Variants in ATP10B observed in about 807,000 individuals in gnomAD.
The protein encoded by ATP10B is ATPase phospholipid transporting 10B (putative).
Under a neutral mutation model 141.2 loss-of-function variants are expected in ATP10B, and 122 were observed. The observed-to-expected ratio is 0.86, with a 90% CI of 0.75 to 1.00. ATP10B has a LOEUF of 1.00. Among genes scored for constraint, ATP10B ranks in the 50% least tolerant of loss-of-function variants. The probability of loss-of-function intolerance (pLI) is 0.00; values close to 1 mark genes in which losing one functional copy is unlikely to be tolerated. For synonymous variants in ATP10B, 685 were observed against 692.0 expected, an observed-to-expected ratio of 0.99 and a Z score of 0.16; for missense variants, 1,876 against 1,825.3, an observed-to-expected ratio of 1.03 and a Z score of -0.51.
intron 13 of ATP10B, among the ~76,000 whole-genome samples, chr5:160,629,825 C>T (rs1315590613): frequency 6.6e-6 from 1 of 152,204 alleles, no homozygotes; most frequent in Non-Finnish European, 1.5e-5. Context: ...AAACCTGACA[C>T]ATTAGACTCC....
intron 1 of ATP10B, among the ~76,000 whole-genome samples, chr5:160,797,385 A>G (rs758615893): frequency 3.3e-5 from 5 of 152,182 alleles, no homozygotes; most frequent in Non-Finnish European, 7.3e-5. Context: ...TCCACTCCCG[A>G]GACCACTAGC....
chr5:160,926,760 G>C, the ATP10B span, among the ~76,000 whole-genome samples: 4 of 152,240 alleles, frequency 2.6e-5, no homozygotes, highest in Non-Finnish European at 5.9e-5. Context: ...ATTAAAGCGT[G>C]TAAGTTGATT....
chr5:160,890,929 G>A, the ATP10B span, among the ~76,000 whole-genome samples: 4 of 151,986 alleles, frequency 2.6e-5, no homozygotes, highest in Admixed American at 2.0e-4. Context: ...AGGCTGAATT[G>A]GACTGTTTTC....
intron 1 of ATP10B, among the ~76,000 whole-genome samples, chr5:160,810,726 T>C (rs896607298): frequency 6.6e-6 from 1 of 152,236 alleles, no homozygotes; most frequent in South Asian, 2.1e-4. Flanking sequence ...TATGAGGCTA[T>C]GTCCTTAGAT....
chr5:160,769,282 T>A (rs1487590519), intron 2 of ATP10B, among the ~76,000 whole-genome samples: 1 of 152,224 alleles, frequency 6.6e-6, no homozygotes, highest in Non-Finnish European at 1.5e-5. Flanking sequence ...TCCTGTCTTC[T>A]GACTGTGTTT....
the ATP10B span, among the ~76,000 whole-genome samples, chr5:160,884,702 A>G: frequency 6.6e-6 from 1 of 152,268 alleles, no homozygotes; most frequent in Middle Eastern, 3.4e-3. Context: ...TATGGAAAAA[A>G]TATTTTTAAA....
the ATP10B span, among the ~76,000 whole-genome samples, chr5:160,904,875 T>C: frequency 2.6e-5 from 4 of 152,174 alleles, no homozygotes; most frequent in Non-Finnish European, 4.4e-5. Context: ...GTGAGAAGCA[T>C]AGAATGACAG....
intron 10 of ATP10B, among the ~76,000 whole-genome samples, chr5:160,637,836 C>T (rs1345620003): frequency 6.6e-6 from 1 of 152,162 alleles, no homozygotes; most frequent in East Asian, 1.9e-4. Context: ...TGCCGTCATA[C>T]CTAACAGAAG....
rs2127591445 is a variant in ATP10B at position 160,565,792 on chromosome 5, C to G, written c.4047G>C (p.Trp1349Cys). ...CAGGGGCAGGCCTCTGTCTGCTTCTCCAACTCTGGATTTCCAGGTTTCTTT... is the reference window on the plus strand; with the variant it reads ...CAGGGGCAGGCCTCTGTCTGCTTCTGCAACTCTGGATTTCCAGGTTTCTTT... ...PDKRNLEIQS[W>C]RSRQRPAPVP... Residue 1349 changes from tryptophan to cysteine, a missense_variant, in exon 26 of 26, where the codon TGG (tryptophan) becomes TGC (cysteine). Transcript: ENST00000327245. The G allele has an allele frequency of 1.2e-6, 2 of 1,614,076 alleles. No homozygotes were observed. Among genetic ancestry groups the G allele is most frequent in the East Asian group, 2.2e-5 (1 of 44,878 alleles).
intron 24 of ATP10B, among the ~76,000 whole-genome samples, chr5:160,582,679 A>C (rs986847194): frequency 6.6e-6 from 1 of 152,160 alleles, no homozygotes; most frequent in African/African-American, 2.4e-5. Flanking sequence ...AGTGTTTTCC[A>C]AGTTGGTTCC....
chr5:160,827,911 G>A (rs144686259), intron 1 of ATP10B, among the ~76,000 whole-genome samples: 163 of 152,136 alleles, frequency 1.1e-3, no homozygotes, highest in Admixed American at 5.0e-3. Context: ...GATATGTGGC[G>A]TTATTTCTGA....
At chr5:160,717,728 A>G (rs796335621) in intron 2 of ATP10B, among the ~76,000 whole-genome samples, 2 of 152,278 alleles carry the variant, frequency 1.3e-5, no homozygotes, top group African/African-American at 2.4e-5. Flanking sequence ...CTAAAACCCT[A>G]CAATTCATGG....
rs764422906 is a variant in ATP10B, at chr5:160,822,983, CATATACATATATATATACATATAT to C, written c.-576+28934_-576+28957del. Among the ~76,000 whole-genome samples, 356 of 89,986 alleles carry C rather than the reference CATATACATATATATATACATATAT, an allele frequency of 4.0e-3. 6 individuals carry two copies. Among genetic ancestry groups the C allele is most frequent in the African/African-American group, 0.013 (321 of 24,058 alleles). 59.0% of individuals were successfully genotyped at this position (89,986 alleles called of 152,430 possible). A position where few individuals can be genotyped will look rare whatever the true frequency, so the allele number is the denominator to read the frequency against. On this transcript the variant is annotated intron_variant, in intron 1 of 25. Coordinates refer to ENST00000327245, the MANE Select transcript of ATP10B (RefSeq NM_025153.3). ...AAAGGGTGACTATAGTAAAAAATTA[CATATACATATATATATACATATAT>C]ATATATATATATATATATATATATA...
intron 1 of ATP10B, among the ~76,000 whole-genome samples, chr5:160,810,070 T>C (rs1192260020): frequency 2.0e-5 from 3 of 152,210 alleles, no homozygotes; most frequent in Admixed American, 1.3e-4. Flanking sequence ...CTAATCTTTC[T>C]TTACATGATG....
At chr5:160,797,948 GAAAAA>G (rs34913318) in intron 1 of ATP10B, among the ~76,000 whole-genome samples, 19,725 of 127,570 alleles carry the variant, frequency 0.15, 1,369 homozygotes, top group Non-Finnish European at 0.16. Context: ...AAGAAAAAAA[GAAAAA>G]AAAAAAAAAA....
At chr5:160,599,069 C>G in intron 21 of ATP10B, 99 bp from the exon 22 acceptor site, 1 of 1,053,100 alleles carries the variant, frequency 9.5e-7, no homozygotes, top group South Asian at 1.4e-5. Context: ...TGGCAGTTGC[C>G]TCATTTATAA....
rs554973017 is a variant in ATP10B, at chr5:160,825,378, T to A, written c.-576+26563A>T. Among the ~76,000 whole-genome samples, 4 of 152,306 alleles carry A rather than the reference T, an allele frequency of 2.6e-5. No individual in the cohort carries two copies. In the South Asian group the frequency reaches 8.3e-4, roughly 32 times the overall value. On this transcript the variant is annotated intron_variant, in intron 1 of 25. Coordinates refer to ENST00000327245, the MANE Select transcript of ATP10B (RefSeq NM_025153.3). ...TACTGTTCTCATGGTAATGAGTAAG[T>A]CTCACAAGACCTGATGATTTTATAA...
chr5:160,667,400 GT>G (rs1388246983), intron 7 of ATP10B, among the ~76,000 whole-genome samples: 1 of 152,082 alleles, frequency 6.6e-6, no homozygotes, highest in African/African-American at 2.4e-5. Flanking sequence ...TCATTGGGTT[GT>G]TTTGAGGATA....
intron 1 of ATP10B, among the ~76,000 whole-genome samples, chr5:160,810,321 T>G (rs1428823074): frequency 6.6e-6 from 1 of 152,148 alleles, no homozygotes; most frequent in Non-Finnish European, 1.5e-5. Context: ...TGCTAAATAT[T>G]TTCAGTTTCT....
Sources: allele counts gnomAD v4.1 joint callset (sites outside exome capture counted in the v4.1 genomes callset), GRCh38; gene constraint gnomAD v4.1.1; transcripts MANE v1.5; gene names NCBI Gene and HGNC (gene_info 2026-07-23, HGNC 2026-07-21).